NEURL4: variants seen among roughly 807,000 people sequenced by gnomAD.
The protein encoded by NEURL4 is neuralized E3 ubiquitin protein ligase 4, also known as neuralized-like protein 4.
NEURL4 carries 45 observed loss-of-function variants against 148.0 expected under a neutral mutation model. That is an observed-to-expected ratio of 0.30 (90% CI 0.24 to 0.39). The LOEUF (loss-of-function observed/expected upper bound fraction) is 0.39. NEURL4 is among the 10% of genes least tolerant of loss of function. The pLI, the probability that NEURL4 is intolerant of heterozygous loss-of-function variation, is 1.00. For synonymous variants in NEURL4, 854 were observed against 869.0 expected (o/e 0.98, Z 0.30); for missense variants, 1,776 against 2,144.0 (o/e 0.83, Z 3.39).
chr17:7,325,038 G>T, intron 8 of NEURL4, 58 bp from the exon 9 acceptor site: 1 of 1,595,550 alleles, frequency 6.3e-7, no homozygotes, highest in Admixed American at 1.7e-5. Context: ...ATGTGCCAAG[G>T]CTTAGCCCAG....
At chr17:7,320,599 C>G (rs1222401281) in intron 21 of NEURL4, among the ~76,000 whole-genome samples, 160 bp downstream of exon 21, 1 of 152,194 alleles carries the variant, frequency 6.6e-6, no homozygotes, top group Admixed American at 6.5e-5. Context: ...TTCGTGGTAA[C>G]TGACTGATGA....
rs2072940975 is a variant in NEURL4, at chr17:7,316,133, C to T, written c.4679G>A (p.Arg1560Gln). ...GTGGTGTCTCACCCCTCATTCCACCCGTACCAGCAGGGCACAGAGGAGTGT... is the reference window on the plus strand; with the variant it reads ...GTGGTGTCTCACCCCTCATTCCACCTGTACCAGCAGGGCACAGAGGAGTGT... ...GATLLCALLV[R>Q]VE Residue 1560 changes from arginine (R) to glutamine (Q), a missense_variant, in exon 29 of 29, where the codon CGG (arginine) becomes CAG (glutamine). Transcript: ENST00000399464. 5.9e-6 allele frequency: 9 copies of T among 1,530,854 alleles called. No homozygotes were observed. Among genetic ancestry groups the T allele is most frequent in the African/African-American group, 1.4e-5 (1 of 73,386 alleles). 94.8% of individuals were successfully genotyped at this position (1,530,854 alleles called of 1,614,324 possible).
In NEURL4 at chr17:7,324,385, A is replaced by G; in HGVS notation, c.1899+10T>C. On this transcript the variant is annotated intron_variant, in intron 10 of 28. Transcript: ENST00000399464. This position sits in a 1 kb window ranked among gnomAD's most constrained non-coding sequence, Gnocchi z 5.9. ...GCTGCGGCCGCCAGGCGGCGCACCC[A>G]CTTTCCCACCTTGAGGCGGTCCAGA... 6.2e-7 allele frequency: 1 copy of G among 1,613,976 alleles called. No individual in the cohort carries two copies. Among genetic ancestry groups the G allele is most frequent in the South Asian group, 1.1e-5 (1 of 91,076 alleles).
At position 7,327,206 on chromosome 17, in the gene NEURL4, G is replaced by GTCT; in HGVS notation, c.751_752insAGA (p.Ala251delinsGluThr). 6.2e-7 allele frequency: 1 copy of GTCT among 1,611,818 alleles called. No individual in the cohort carries two copies. The highest frequency in any genetic ancestry group is 8.5e-7 in the Non-Finnish European group (1 of 1,179,744). ...GCTGTTAGGAAACGTCTCCGGCCGG[G>GTCT]CCTGCGCTGGGGACACCATGAAGGC... On this transcript the variant is annotated protein_altering_variant, in exon 3 of 29. Coordinates refer to ENST00000399464, the MANE Select transcript of NEURL4 (RefSeq NM_032442.3). This position sits in a 1 kb window ranked among gnomAD's most constrained non-coding sequence, Gnocchi z 6.6.
rs893332473 is a variant in NEURL4 at position 7,329,284 on chromosome 17, C to A, written c.29G>T (p.Gly10Val). The A allele has an allele frequency of 1.4e-6, 2 of 1,425,552 alleles. No individual in the cohort carries two copies. Among genetic ancestry groups the A allele is most frequent in the African/African-American group, 3.0e-5 (2 of 66,676 alleles). 88.3% of individuals were successfully genotyped at this position (1,425,552 alleles called of 1,614,324 possible). A position where few individuals can be genotyped will look rare whatever the true frequency, so the allele number is the denominator to read the frequency against. MAAGSGGSG[G>V]SGGGPGPGPG... The stretch of plus-strand genomic sequence containing the variant: ...CCCCGGTCCAGGGCCTCCCCCAGAG[C>A]CCCCACTCCCACCCGACCCTGCCGC... The change falls in exon 1 of 29, where the codon GGC becomes GTC. Residue 10 changes from glycine (G) to valine (V), a missense_variant. Coordinates refer to ENST00000399464, the MANE Select transcript of NEURL4 (RefSeq NM_032442.3).
At position 7,315,766 on chromosome 17, in the gene NEURL4, G is replaced by C. The variant is rs1442077705; in HGVS notation, c.*357C>G. On this transcript the variant is annotated 3_prime_UTR_variant, in exon 29 of 29. Coordinates refer to ENST00000399464, the MANE Select transcript of NEURL4 (RefSeq NM_032442.3). ...GAAAAAGCAGCTTCATGTGGGCACA[G>C]GGAGAGACTCCTCTGGGATTCACAG... 1 of 493,102 alleles carries C rather than the reference G, an allele frequency of 2.0e-6. No individual in the cohort carries two copies. The highest frequency in any genetic ancestry group is 2.0e-5 in the African/African-American group (1 of 50,530). 30.5% of individuals were successfully genotyped at this position (493,102 alleles called of 1,614,324 possible). A position where few individuals can be genotyped will look rare whatever the true frequency, so the allele number is the denominator to read the frequency against.
Position 7,317,354 on chromosome 17 carries a change from C to T in NEURL4, c.4335G>A (p.Leu1445=). 1 of 1,563,158 alleles carries T rather than the reference C, an allele frequency of 6.4e-7. No homozygotes were observed. Among genetic ancestry groups the T allele is most frequent in the Non-Finnish European group, 8.7e-7 (1 of 1,152,776 alleles). The part of the protein sequence containing the change: ...GELGAGTASI[L]SCRPLKGEPG... ...GTTCTCCCTTCAAAGGACGGCAGCT[C>T]AGGATGGAGGCAGTACCTGGGAGGA... Residue 1445 remains leucine, a synonymous_variant, in exon 28 of 29, where the codon CTG becomes CTA. Transcript: ENST00000399464.
At chr17:7,320,736 G>T in intron 21 of NEURL4, 23 bp downstream of exon 21, 1 of 1,602,440 alleles carries the variant, frequency 6.2e-7, no homozygotes, top group South Asian at 1.1e-5. Context: ...GAGAGAAGCT[G>T]GGGATAGGGA....
chr17:7,328,899 C>T (rs547549064), intron 1 of NEURL4, 132 bp downstream of exon 1: 1 of 818,286 alleles, frequency 1.2e-6, no homozygotes, highest in Admixed American at 3.8e-5. Context: ...TGACCGCCCC[C>T]TGGTGCTCTA....
In NEURL4 at chr17:7,318,057, G is replaced by C; in HGVS notation, c.4060+8C>G. The C allele has an allele frequency of 3.7e-6, 6 of 1,613,894 alleles. No homozygotes were observed. Among genetic ancestry groups the C allele is most frequent in the Non-Finnish European group, 5.1e-6 (6 of 1,179,778 alleles). ...ATGAAGTCAGTTCTGGCGGACTGTG[G>C]GACTCACCGGGAAGCAGCAGGAGTT... On this transcript the variant is annotated splice_region_variant and intron_variant, in intron 25 of 28. Coordinates refer to ENST00000399464, the MANE Select transcript of NEURL4 (RefSeq NM_032442.3). This position sits in a 1 kb window ranked among gnomAD's most constrained non-coding sequence, Gnocchi z 4.3.
At position 7,326,755 on chromosome 17, in the gene NEURL4, C is replaced by T; in HGVS notation, c.1048G>A (p.Val350Ile). The change falls in exon 4 of 29, where the codon GTT (valine) becomes ATT (isoleucine). Residue 350 changes from valine to isoleucine, a missense_variant. Val to Ile is a conservative substitution (Grantham distance 29). Coordinates refer to ENST00000399464, the MANE Select transcript of NEURL4 (RefSeq NM_032442.3). This position sits in a 1 kb window ranked among gnomAD's most constrained non-coding sequence, Gnocchi z 6.0. ...RRPLDEFNNG[V>I]VMTNRPLRDN... The stretch of plus-strand genomic sequence containing the variant: ...CGAAGGGGGCGATTGGTCATGACAA[C>T]CCCATTGTTGAATTCATCCAGGGGC... 1 of 1,613,240 alleles carries T rather than the reference C, an allele frequency of 6.2e-7. No homozygotes were observed. The highest frequency in any genetic ancestry group is 8.5e-7 in the Non-Finnish European group (1 of 1,179,816).
chr17:7,328,934 C>T (rs2073137608), intron 1 of NEURL4, 97 bp downstream of exon 1: 9 of 1,208,756 alleles, frequency 7.4e-6, no homozygotes, highest in African/African-American at 3.2e-5. Flanking sequence ...CCTCTCGGTG[C>T]CCGGCAATGT....
chr17:7,321,537 G>A lies in NEURL4; in HGVS notation c.3099+23C>T. ...CACCTCCACTCCCAACCCCTCCCCTGTCCCTGGAGCCAGCCACTTCACCCC... is the reference window on the plus strand; with the variant it reads ...CACCTCCACTCCCAACCCCTCCCCTATCCCTGGAGCCAGCCACTTCACCCC... On this transcript the variant is annotated intron_variant, in intron 18 of 28. Coordinates refer to ENST00000399464, the MANE Select transcript of NEURL4 (RefSeq NM_032442.3). The surrounding 1 kb of genome is among the most constrained non-coding windows in gnomAD (Gnocchi z 6.3). 1.2e-6 allele frequency: 2 copies of A among 1,613,276 alleles called. No individual in the cohort carries two copies. The highest frequency in any genetic ancestry group is 1.7e-6 in the Non-Finnish European group (2 of 1,179,426).
chr17:7,321,155 C>G lies in NEURL4; in HGVS notation c.3317G>C (p.Ser1106Thr), dbSNP rs200286712. ...GCCCTCGTCATCCTCCTCGCCCTCACTGCCGGTGTCTGAACTGGGGGAAGG... is the reference window on the plus strand; with the variant it reads ...GCCCTCGTCATCCTCCTCGCCCTCAGTGCCGGTGTCTGAACTGGGGGAAGG... ...QPPSPSSDTGSEGEEDDEGEE... is the reference protein window; with the variant it reads ...QPPSPSSDTGTEGEEDDEGEE... The change falls in exon 20 of 29, where the codon AGT becomes ACT. Residue 1106 changes from serine to threonine, a missense_variant. Coordinates refer to ENST00000399464, the MANE Select transcript of NEURL4 (RefSeq NM_032442.3). The surrounding 1 kb of genome is among the most constrained non-coding windows in gnomAD (Gnocchi z 6.3). The G allele has an allele frequency of 1.9e-6, 3 of 1,614,010 alleles. No homozygotes were observed. In the Admixed American group the frequency reaches 5.0e-5, roughly 27 times the overall value.
intron 1 of NEURL4, among the ~76,000 whole-genome samples, chr17:7,328,615 G>A (rs1347791626): frequency 6.6e-6 from 1 of 152,150 alleles, no homozygotes; most frequent in Non-Finnish European, 1.5e-5. Flanking sequence ...CGTTCACCAG[G>A]CTGGTCTCAA....
In NEURL4 at chr17:7,315,999, G is replaced by T; in HGVS notation, c.*124C>A. On this transcript the variant is annotated 3_prime_UTR_variant, in exon 29 of 29. Transcript: ENST00000399464. Reference sequence around the variant, plus strand: ...TCTGAGAGCCTGCCTACATGCTCCTGCGCGGCTGCCAAGCTCCAGCACCTG... The same window carrying T: ...TCTGAGAGCCTGCCTACATGCTCCTTCGCGGCTGCCAAGCTCCAGCACCTG... 1 of 686,670 alleles carries T rather than the reference G, an allele frequency of 1.5e-6. No individual in the cohort carries two copies. The highest frequency in any genetic ancestry group is 2.7e-6 in the Non-Finnish European group (1 of 372,792). The allele number at this position is 686,670 out of a possible 1,614,324, so 42.5% of individuals were successfully genotyped here. A position where few individuals can be genotyped will look rare whatever the true frequency, so the allele number is the denominator to read the frequency against.
rs1286353658 is a variant in NEURL4, at chr17:7,326,449, T to C, written c.1192A>G (p.Asn398Asp). ...CCGGGGCTGGTACCTGACTGGAGGT[T>C]GGTCATGGTGGCTGGGTACTCCAAA... ...NSLEYPATMT[N>D]LQSGTIMMSG... Residue 398 changes from asparagine to aspartate, a missense_variant, in exon 5 of 29, where the codon AAC becomes GAC. Asn to Asp is a conservative substitution (Grantham distance 23). Transcript: ENST00000399464. This position sits in a 1 kb window ranked among gnomAD's most constrained non-coding sequence, Gnocchi z 6.0. 1 of 1,613,982 alleles carries C rather than the reference T, an allele frequency of 6.2e-7. No individual in the cohort carries two copies. Among genetic ancestry groups the C allele is most frequent in the Non-Finnish European group, 8.5e-7 (1 of 1,179,998 alleles).
Position 7,316,017 on chromosome 17 carries a change from A to G in NEURL4, c.*106T>C. 1 of 739,840 alleles carries G rather than the reference A, an allele frequency of 1.4e-6. No individual in the cohort carries two copies. 45.8% of individuals were successfully genotyped at this position (739,840 alleles called of 1,614,324 possible). On this transcript the variant is annotated 3_prime_UTR_variant, in exon 29 of 29. Transcript: ENST00000399464. ...TGCTCCTGCGCGGCTGCCAAGCTCCAGCACCTGCGCATGCCACGAGTCACG... is the reference window on the plus strand; with the variant it reads ...TGCTCCTGCGCGGCTGCCAAGCTCCGGCACCTGCGCATGCCACGAGTCACG...
intron 26 of NEURL4, 39 bp downstream of exon 26, chr17:7,317,749 A>C (rs1379104805): frequency 5.6e-6 from 9 of 1,606,542 alleles, no homozygotes; most frequent in Non-Finnish European, 7.7e-6. Flanking sequence ...CTCCAGGGGG[A>C]AAACAGTAGG....
Sources: gnomAD v4.1 joint callset for allele counts (sites outside exome capture counted in the v4.1 genomes callset) on GRCh38, gnomAD v4.1.1 for gene constraint, Gnocchi (gnomAD v3.1) non-coding constraint, MANE v1.5 for transcripts, NCBI Gene and HGNC (gene_info 2026-07-23, HGNC 2026-07-21) for gene names.